MIS12: variants seen among roughly 807,000 people sequenced by gnomAD.
MIS12 encodes the protein MIS12 kinetochore complex component, also known as protein MIS12 homolog.
Under a neutral mutation model 16.5 loss-of-function variants are expected in MIS12, and 13 were observed. The ratio of observed to expected loss-of-function variants is 0.79; its 90% confidence interval spans 0.51 to 1.25. MIS12 has a LOEUF of 1.25. Ranked by LOEUF, MIS12 falls within the 50% of genes most tolerant of loss-of-function variation. The probability of loss-of-function intolerance (pLI) is 0.00; values close to 1 mark genes in which losing one functional copy is unlikely to be tolerated. For missense variants in MIS12, 199 were observed against 239.5 expected (o/e 0.83, Z 1.12); for synonymous variants, 97 against 87.3 (o/e 1.11, Z -0.62).
chr17:5,489,638 T>A lies in MIS12; in HGVS notation c.*158T>A. On this transcript the variant is annotated 3_prime_UTR_variant, in exon 3 of 3. Coordinates refer to ENST00000611091, the MANE Select transcript of MIS12 (RefSeq NM_001258217.2). ...CTCTTTCTTGTATTCTGTGTTTTCC[T>A]CTTTTTTGGTCCACTTTGCTGAGGT... The A allele has an allele frequency of 2.3e-6, 2 of 869,698 alleles. No homozygotes were observed. Among genetic ancestry groups the A allele is most frequent in the Non-Finnish European group, 3.4e-6 (2 of 587,124 alleles). 53.9% of individuals were successfully genotyped at this position (869,698 alleles called of 1,614,324 possible). A position where few individuals can be genotyped will look rare whatever the true frequency, so the allele number is the denominator to read the frequency against.
At chr17:5,488,661 AG>A (rs1230685484) in intron 2 of MIS12, 72 bp downstream of exon 2, 4 of 545,500 alleles carry the variant, frequency 7.3e-6, no homozygotes, top group Non-Finnish European at 1.3e-5. Flanking sequence ...AGAGAGGCAA[AG>A]AGTTTATATC....
At position 5,489,747 on chromosome 17, in the gene MIS12, G is replaced by A; in HGVS notation, c.*267G>A. 1 of 353,474 alleles carries A rather than the reference G, an allele frequency of 2.8e-6. No homozygotes were observed. The highest frequency in any genetic ancestry group is 5.3e-6 in the Non-Finnish European group (1 of 189,134). 21.9% of individuals were successfully genotyped at this position (353,474 alleles called of 1,614,324 possible). On this transcript the variant is annotated 3_prime_UTR_variant, in exon 3 of 3. Coordinates refer to ENST00000611091, the MANE Select transcript of MIS12 (RefSeq NM_001258217.2). ...GGATCCAACAAAGAAGCCATGACCAGTTAAAGATATTTGCAGAGTTACACC... is the reference window on the plus strand; with the variant it reads ...GGATCCAACAAAGAAGCCATGACCAATTAAAGATATTTGCAGAGTTACACC...
At position 5,489,179 on chromosome 17, in the gene MIS12, A is replaced by C. The variant is rs377327376; in HGVS notation, c.317A>C (p.Glu106Ala). Residue 106 changes from glutamate (E) to alanine (A), a missense_variant, in exon 3 of 3, where the codon GAG (glutamate) becomes GCG (alanine). Transcript: ENST00000611091. The part of the protein sequence containing the change: ...NILLPEDKCK[E>A]TPYSEEDFQH... ...TTGCTTCCTGAAGATAAATGTAAGG[A>C]GACACCTTATAGTGAGGAAGATTTT... The C allele has an allele frequency of 1.9e-6, 3 of 1,614,244 alleles. No individual in the cohort carries two copies. The highest frequency in any genetic ancestry group is 1.7e-6 in the Non-Finnish European group (2 of 1,180,032).
Position 5,488,852 on chromosome 17 carries a change from A to G in MIS12, c.-11A>G. ...TTCACGACTGAAAACAACATAGCAA[A>G]ATAAGCCAAGATGTCTGTGGATCCA... On this transcript the variant is annotated 5_prime_UTR_variant, in exon 3 of 3. Coordinates refer to ENST00000611091, the MANE Select transcript of MIS12 (RefSeq NM_001258217.2). 6.3e-7 allele frequency: 1 copy of G among 1,597,400 alleles called. No individual in the cohort carries two copies. The highest frequency in any genetic ancestry group is 8.5e-7 in the Non-Finnish European group (1 of 1,170,108).
chr17:5,488,970 GC>G lies in MIS12; in HGVS notation c.109del (p.Gln37ArgfsTer8), dbSNP rs1230022594. Reference sequence around the variant, plus strand: ...TTCAAGACTACCTATTTGAAGTGATGCAGGCCGTTGAACAGGTTATTCTGAA... The same window carrying G: ...TTCAAGACTACCTATTTGAAGTGATGAGGCCGTTGAACAGGTTATTCTGAA... ...AFQDYLFEVM[Q>X]AVEQVILKKL... On this transcript the variant is annotated frameshift_variant, in exon 3 of 3. Coordinates refer to ENST00000611091, the MANE Select transcript of MIS12 (RefSeq NM_001258217.2). LOFTEE classifies it high-confidence loss of function. 1 of 1,614,218 alleles carries G rather than the reference GC, an allele frequency of 6.2e-7. No individual in the cohort carries two copies. The highest frequency in any genetic ancestry group is 1.1e-5 in the South Asian group (1 of 91,082).
chr17:5,488,780 ATT>A, intron 2 of MIS12, 41 bp from the exon 3 acceptor site: 2 of 1,376,034 alleles, frequency 1.5e-6, no homozygotes, highest in Non-Finnish European at 9.8e-7. Context: ...CCTGCAGAAG[ATT>A]TTTTTTTTCC....
chr17:5,488,462 A>G lies in MIS12; in HGVS notation c.-168A>G, dbSNP rs1906532488. 6.0e-6 allele frequency: 1 copy of G among 165,338 alleles called. No homozygotes were observed. Among genetic ancestry groups the G allele is most frequent in the Admixed American group, 5.9e-5 (1 of 17,024 alleles). The allele number at this position is 165,338 out of a possible 1,614,324, so 10.2% of individuals were successfully genotyped here. ...ACAAATATCAAGAGCCAGGTGGCTA[A>G]AAGGTGGAGCTATAGGTCATTGAAG... is the stretch of plus-strand genomic sequence containing the variant. On this transcript the variant is annotated 5_prime_UTR_variant, in exon 2 of 3. An upstream open reading frame in the 5' UTR loses its in-frame stop. Transcript: ENST00000611091.
Position 5,489,232 on chromosome 17 carries a change from T to C in MIS12, c.370T>C (p.Leu124=), listed in dbSNP as rs139809280. Residue 124 remains leucine (L), a synonymous_variant, in exon 3 of 3, where the codon TTA becomes CTA. Coordinates refer to ENST00000611091, the MANE Select transcript of MIS12 (RefSeq NM_001258217.2). ...GCATCTCCAGAAAGAAATTGAACAG[T>C]TACAGGAGAAGTACAAGACTGAATT... ...FQHLQKEIEQ[L]QEKYKTELCT... The C allele has an allele frequency of 1.3e-4, 210 of 1,614,032 alleles. No homozygotes were observed. The highest frequency in any genetic ancestry group is 1.6e-4 in the Non-Finnish European group (189 of 1,180,022).
At position 5,488,845 on chromosome 17, in the gene MIS12, A is replaced by C. The variant is rs1158849706; in HGVS notation, c.-18A>C. 6.3e-7 allele frequency: 1 copy of C among 1,592,598 alleles called. No individual in the cohort carries two copies. Among genetic ancestry groups the C allele is most frequent in the South Asian group, 1.1e-5 (1 of 87,800 alleles). ...CAGGTTTTTCACGACTGAAAACAAC[A>C]TAGCAAAATAAGCCAAGATGTCTGT... On this transcript the variant is annotated 5_prime_UTR_variant, in exon 3 of 3. Coordinates refer to ENST00000611091, the MANE Select transcript of MIS12 (RefSeq NM_001258217.2).
Position 5,489,171 on chromosome 17 carries a change from A to C in MIS12, c.309A>C (p.Lys103Asn). 1.9e-6 allele frequency: 3 copies of C among 1,614,222 alleles called. No homozygotes were observed. The highest frequency in any genetic ancestry group is 2.5e-6 in the Non-Finnish European group (3 of 1,180,038). The change falls in exon 3 of 3, where the codon AAA becomes AAC. Residue 103 changes from lysine to asparagine, a missense_variant. Transcript: ENST00000611091. Reference sequence around the variant, plus strand: ...CAAACATCTTGCTTCCTGAAGATAAATGTAAGGAGACACCTTATAGTGAGG... The same window carrying C: ...CAAACATCTTGCTTCCTGAAGATAACTGTAAGGAGACACCTTATAGTGAGG... ...IPSNILLPED[K>N]CKETPYSEED...
Position 5,488,829 on chromosome 17 carries a change from C to T in MIS12, c.-34C>T. ...TTCCTTTTTACATTTGCAGGTTTTT[C>T]ACGACTGAAAACAACATAGCAAAAT... On this transcript the variant is annotated 5_prime_UTR_variant, in exon 3 of 3. Transcript: ENST00000611091. The T allele has an allele frequency of 1.3e-6, 2 of 1,559,906 alleles. No homozygotes were observed. Among genetic ancestry groups the T allele is most frequent in the South Asian group, 1.2e-5 (1 of 83,250 alleles).
upstream of MIS12, chr17:5,486,413 A>C (rs373213443): frequency 1.1e-4 from 48 of 429,704 alleles, no homozygotes; most frequent in East Asian, 1.8e-3. Flanking sequence ...AACGTCCGGG[A>C]AAAACGAGTA....
Position 5,489,629 on chromosome 17 carries a change from G to C in MIS12, c.*149G>C. On this transcript the variant is annotated 3_prime_UTR_variant, in exon 3 of 3. Transcript: ENST00000611091. ...CTTTGTCAACTCTTTCTTGTATTCT[G>C]TGTTTTCCTCTTTTTTGGTCCACTT... 6.3e-6 allele frequency: 6 copies of C among 952,864 alleles called. No homozygotes were observed. The South Asian group carries it at 1.2e-4, about 20-fold the overall frequency. The allele number at this position is 952,864 out of a possible 1,614,324, so 59.0% of individuals were successfully genotyped here. A position where few individuals can be genotyped will look rare whatever the true frequency, so the allele number is the denominator to read the frequency against.
chr17:5,488,566 G>A lies in MIS12; in HGVS notation c.-64G>A, dbSNP rs1031515846. On this transcript the variant is annotated 5_prime_UTR_variant, in exon 2 of 3. Transcript: ENST00000611091. ...AGTTGTCTAGGATGATAATTCAGAAGACTGATCTGTGCCAAAGTCACAGGT... is the reference window on the plus strand; with the variant it reads ...AGTTGTCTAGGATGATAATTCAGAAAACTGATCTGTGCCAAAGTCACAGGT... 3.1e-6 allele frequency: 1 copy of A among 326,910 alleles called. No individual in the cohort carries two copies. Among genetic ancestry groups the A allele is most frequent in the African/African-American group, 2.2e-5 (1 of 46,406 alleles). The allele number at this position is 326,910 out of a possible 1,614,324, so 20.3% of individuals were successfully genotyped here.
chr17:5,486,500 T>C (rs538286215), upstream of MIS12: 5 of 203,212 alleles, frequency 2.5e-5, no homozygotes, highest in Admixed American at 1.2e-4. Flanking sequence ...ATAATTGAGG[T>C]GTCCACAACC....
chr17:5,487,261 C>T (rs1277277586), intron 1 of MIS12: 1 of 151,930 alleles, frequency 6.6e-6, no homozygotes, highest in African/African-American at 2.4e-5. Context: ...GACACTTTGT[C>T]TCAAACAACA....
chr17:5,486,655 C>G lies in MIS12; in HGVS notation c.-464C>G, dbSNP rs1236085108. 1 of 153,618 alleles carries G rather than the reference C, an allele frequency of 6.5e-6. No homozygotes were observed. The highest frequency in any genetic ancestry group is 1.8e-4 in the South Asian group (1 of 5,596). 9.5% of individuals were successfully genotyped at this position (153,618 alleles called of 1,614,324 possible). A position where few individuals can be genotyped will look rare whatever the true frequency, so the allele number is the denominator to read the frequency against. ...GGAGGTGGCGGGAAGCCTGTGTGTG[C>G]TTCAAATCGTCACCCTCATGGTCGC... is the stretch of plus-strand genomic sequence containing the variant. On this transcript the variant is annotated 5_prime_UTR_variant, in exon 1 of 3. Transcript: ENST00000611091.
intron 1 of MIS12, chr17:5,486,922 C>T (rs1400293435): frequency 2.0e-5 from 3 of 152,288 alleles, no homozygotes; most frequent in East Asian, 1.9e-4. Flanking sequence ...TCTTAGACAG[C>T]TCAACTCGCC....
upstream of MIS12, chr17:5,486,439 T>A: frequency 3.2e-6 from 1 of 315,618 alleles, no homozygotes; most frequent in Non-Finnish European, 5.8e-6. Flanking sequence ...AGGTTCCTTC[T>A]GCCAATCCCC....
Sources: allele counts gnomAD v4.1 joint callset, GRCh38; gene constraint gnomAD v4.1.1; transcripts MANE v1.5; gene names NCBI Gene and HGNC (gene_info 2026-07-23, HGNC 2026-07-21).